Variants in ARID5B observed in about 807,000 individuals in gnomAD.
The protein encoded by ARID5B is AT-rich interactive domain-containing protein 5B.
A neutral mutation model predicts 97.2 loss-of-function variants in ARID5B; 13 were observed. The observed-to-expected ratio is 0.13, with a 90% CI of 0.09 to 0.21. The LOEUF is 0.21. ARID5B is among the 10% of genes least tolerant of loss of function. The pLI is 1.00. For missense variants in ARID5B, 1,210 were observed against 1,465.3 expected, an observed-to-expected ratio of 0.83 and a Z score of 2.84; for synonymous variants, 556 against 570.3, an observed-to-expected ratio of 0.97 and a Z score of 0.36.
rs539097763 is a variant in ARID5B at position 61,970,463 on chromosome 10, A to G, written c.503-29628A>G. 1.1e-4 allele frequency among the ~76,000 whole-genome samples: 17 copies of G among 152,348 alleles called. No individual in the cohort carries two copies. In the East Asian group the frequency reaches 3.3e-3, roughly 29 times the overall value. On this transcript the variant is annotated intron_variant, in intron 3 of 9. Transcript: ENST00000279873. The stretch of plus-strand genomic sequence containing the variant: ...ACAAAAGAATTCTTATTGTAGATTA[A>G]ATGTATGTAGAAGATATAGAAGGAT...
chr10:61,999,316 C>A (rs1839044239), intron 3 of ARID5B, among the ~76,000 whole-genome samples: 1 of 152,192 alleles, frequency 6.6e-6, no homozygotes, highest in Admixed American at 6.5e-5. Flanking sequence ...GGGTTACAGC[C>A]CAACAAACCA....
intron 3 of ARID5B, among the ~76,000 whole-genome samples, chr10:61,973,419 A>T (rs904333563): frequency 6.6e-6 from 1 of 152,248 alleles, no homozygotes; most frequent in Non-Finnish European, 1.5e-5. Context: ...TGGGGAGTTC[A>T]TTATGAAATC....
At position 62,019,706 on chromosome 10, in the gene ARID5B, A is replaced by G. The variant is rs1480919088; in HGVS notation, c.733+19385A>G. Among the ~76,000 whole-genome samples the G allele has an allele frequency of 2.0e-5, 3 of 152,240 alleles. No homozygotes were observed. The East Asian group carries it at 5.8e-4, about 29-fold the overall frequency. On this transcript the variant is annotated intron_variant, in intron 4 of 9. Transcript: ENST00000279873. Reference sequence around the variant, plus strand: ...GTGCTCTTTTAGGGATTGGCCATTTATAAGCCAACCTGAGTTCATTCGAAG... The same window carrying G: ...GTGCTCTTTTAGGGATTGGCCATTTGTAAGCCAACCTGAGTTCATTCGAAG...
chr10:61,980,901 A>G (rs1589244689), intron 3 of ARID5B, among the ~76,000 whole-genome samples: 4 of 152,276 alleles, frequency 2.6e-5, no homozygotes, highest in Admixed American at 2.6e-4. Context: ...CTCACCCAGT[A>G]GGTTGCTCCT....
Position 61,949,569 on chromosome 10 carries a change from G to A in ARID5B, c.502+9161G>A, listed in dbSNP as rs545381205. ...GGAGAATCACTTGAACCCGGGAGGC[G>A]GAGGTTGCAGTGAGTCAAGATTGTA... On this transcript the variant is annotated intron_variant, in intron 3 of 9. Transcript: ENST00000279873. Among the ~76,000 whole-genome samples the A allele has an allele frequency of 1.7e-4, 26 of 152,194 alleles. No homozygotes were observed. In the East Asian group the frequency reaches 2.3e-3, roughly 14 times the overall value.
At chr10:62,010,750 C>T (rs1464414515) in intron 4 of ARID5B, among the ~76,000 whole-genome samples, 1 of 152,166 alleles carries the variant, frequency 6.6e-6, no homozygotes, top group Admixed American at 6.5e-5. Flanking sequence ...GGATGTCTTC[C>T]TTAGAAAATC....
chr10:61,962,159 G>C, intron 3 of ARID5B, among the ~76,000 whole-genome samples: 1 of 152,294 alleles, frequency 6.6e-6, no homozygotes, highest in African/African-American at 2.4e-5. Context: ...ACTGAGTCCT[G>C]GGTAAAATGA....
intron 3 of ARID5B, among the ~76,000 whole-genome samples, chr10:61,968,034 C>T (rs1029777043): frequency 4.6e-5 from 7 of 150,686 alleles, no homozygotes; most frequent in African/African-American, 7.3e-5. Flanking sequence ...ATTGAAAATG[C>T]GCATTTTCTT....
At position 62,061,451 on chromosome 10, in the gene ARID5B, C is replaced by T. The variant is rs1040856881; in HGVS notation, c.1101+2156C>T. ...GTGATGAGGTGGCTGGGACAAGTGG[C>T]CCTGAAGGGAAGTTTCTAGAGAGAA... On this transcript the variant is annotated intron_variant, in intron 7 of 9. Coordinates refer to ENST00000279873, the MANE Select transcript of ARID5B (RefSeq NM_032199.3). Among the ~76,000 whole-genome samples, 4 of 152,244 alleles carry T rather than the reference C, an allele frequency of 2.6e-5. No homozygotes were observed. The East Asian group carries it at 7.7e-4, about 29-fold the overall frequency.
intron 3 of ARID5B, among the ~76,000 whole-genome samples, chr10:61,993,292 C>T (rs1247845535): frequency 6.6e-6 from 1 of 152,152 alleles, no homozygotes; most frequent in Non-Finnish European, 1.5e-5. Flanking sequence ...GGACACAGTA[C>T]ACATTTACAT....
At chr10:61,936,864 G>GAAA (rs1193794018) in intron 2 of ARID5B, among the ~76,000 whole-genome samples, 39 of 139,770 alleles carry the variant, frequency 2.8e-4, no homozygotes, top group African/African-American at 1.1e-3. Flanking sequence ...AAAAAAAAAA[G>GAAA]AAAGAAAAAA....
At chr10:61,929,483 G>A (rs1437987326) in intron 2 of ARID5B, among the ~76,000 whole-genome samples, 4 of 152,172 alleles carry the variant, frequency 2.6e-5, no homozygotes, top group Non-Finnish European at 5.9e-5. Flanking sequence ...TCTCTGGAGG[G>A]ATGCCATATT....
chr10:62,059,889 G>A (rs754481035), intron 7 of ARID5B, among the ~76,000 whole-genome samples: 9 of 152,082 alleles, frequency 5.9e-5, no homozygotes, highest in African/African-American at 1.7e-4. Flanking sequence ...TGATGGCCAC[G>A]GATTTTTACA....
intron 4 of ARID5B, among the ~76,000 whole-genome samples, chr10:62,021,932 G>A (rs894185664): frequency 1.3e-5 from 2 of 152,238 alleles, no homozygotes; most frequent in Non-Finnish European, 2.9e-5. Flanking sequence ...AGGAGAATTT[G>A]TTAATGATTT....
chr10:62,056,411 G>T lies in ARID5B; in HGVS notation c.847-706G>T, dbSNP rs193216674. On this transcript the variant is annotated intron_variant, in intron 5 of 9. Transcript: ENST00000279873. ...TGTTTCCTACTGAGGGTGTACCCCC[G>T]CATCACTCTTGGGTGGCAAACAGCA... 4.5e-3 allele frequency among the ~76,000 whole-genome samples: 687 copies of T among 152,198 alleles called. 5 individuals carry two copies. Among genetic ancestry groups the T allele is most frequent in the African/African-American group, 0.015 (638 of 41,520 alleles).
intron 2 of ARID5B, among the ~76,000 whole-genome samples, chr10:61,905,003 G>T (rs978294713): frequency 3.3e-5 from 5 of 152,156 alleles, no homozygotes; most frequent in Non-Finnish European, 7.4e-5. Context: ...CACCTAGAGG[G>T]GGCAACAGGG....
chr10:61,939,648 A>G (rs115607677), intron 2 of ARID5B, among the ~76,000 whole-genome samples: 159 of 152,358 alleles, frequency 1.0e-3, no homozygotes, highest in African/African-American at 3.4e-3. Context: ...TTGGGATTAC[A>G]TCACAGTTTT....
intron 9 of ARID5B, among the ~76,000 whole-genome samples, chr10:62,086,690 CAAAAAAA>C (rs747189859): frequency 4.2e-5 from 1 of 23,824 alleles, no homozygotes; most frequent in East Asian, 1.0e-3. Context: ...GACTCCATCT[CAAAAAAA>C]AAAAAAAAAA....
intron 6 of ARID5B, among the ~76,000 whole-genome samples, chr10:62,057,905 CA>C (rs2132940020): frequency 1.3e-5 from 2 of 152,230 alleles, no homozygotes; most frequent in East Asian, 3.9e-4. Context: ...AACTCATAGC[CA>C]AACAGAATTC....
Sources: allele counts gnomAD v4.1 joint callset (sites outside exome capture counted in the v4.1 genomes callset), GRCh38; gene constraint gnomAD v4.1.1; transcripts MANE v1.5; gene names NCBI Gene and HGNC (gene_info 2026-07-23, HGNC 2026-07-21).